ASTN1: variants seen among roughly 807,000 people sequenced by gnomAD.
The protein encoded by ASTN1 is astrotactin 1.
In ASTN1, 41 loss-of-function variants were observed where a neutral mutation model predicts 140.7. The observed-to-expected ratio is 0.29, with a 90% CI of 0.23 to 0.38. The LOEUF (loss-of-function observed/expected upper bound fraction) is 0.38. Ranked by LOEUF, ASTN1 falls within the 10% of genes least tolerant of loss-of-function variation. The pLI is 1.00. For missense variants in ASTN1, 1,479 were observed against 1,678.8 expected (o/e 0.88, Z 2.08); for synonymous variants, 640 against 652.2 (o/e 0.98, Z 0.29).
At chr1:176,910,589 C>G (rs1353293168) in intron 16 of ASTN1, among the ~76,000 whole-genome samples, 3 of 152,188 alleles carry the variant, frequency 2.0e-5, no homozygotes, top group Non-Finnish European at 4.4e-5. Flanking sequence ...ATGACAGGGA[C>G]ACATTCTGAT....
intron 16 of ASTN1, among the ~76,000 whole-genome samples, chr1:176,913,897 A>G (rs1670365692): frequency 6.6e-6 from 1 of 152,352 alleles, no homozygotes; most frequent in African/African-American, 2.4e-5. Context: ...GAAAAGTTTA[A>G]CCAACATTTG....
chr1:176,862,462 T>A lies in ASTN1; in HGVS notation c.*1822A>T, dbSNP rs1668001381. On this transcript the variant is annotated 3_prime_UTR_variant, in exon 23 of 23. Transcript: ENST00000361833. ...TCCTCCTTCCACTGCACAGAGGACA[T>A]GTCCATGCCACAGATGCTTGGGAAA... The A allele has an allele frequency of 1.0e-6, 1 of 985,282 alleles. No individual in the cohort carries two copies. The highest frequency in any genetic ancestry group is 6.1e-5 in the Admixed American group (1 of 16,264). The allele number at this position is 985,282 out of a possible 1,614,324, so 61.0% of individuals were successfully genotyped here. A position where few individuals can be genotyped will look rare whatever the true frequency, so the allele number is the denominator to read the frequency against.
intron 1 of ASTN1, among the ~76,000 whole-genome samples, chr1:177,152,829 A>G (rs769110008): frequency 6.6e-6 from 1 of 152,214 alleles, no homozygotes; most frequent in Non-Finnish European, 1.5e-5. Context: ...ATGAAAACAC[A>G]TTACAGAATT....
chr1:177,048,442 T>C (rs1677361408), intron 2 of ASTN1, among the ~76,000 whole-genome samples: 2 of 152,296 alleles, frequency 1.3e-5, no homozygotes, highest in South Asian at 4.1e-4. Context: ...CCTTAAGGCA[T>C]AACTGTTATC....
At chr1:177,106,282 A>C (rs1191471979) in intron 1 of ASTN1, among the ~76,000 whole-genome samples, 5 of 152,170 alleles carry the variant, frequency 3.3e-5, no homozygotes, top group Non-Finnish European at 7.3e-5. Flanking sequence ...GTTGATGATG[A>C]CACAAATGTA....
chr1:177,001,194 G>C (rs927812181), intron 8 of ASTN1, among the ~76,000 whole-genome samples: 13 of 152,206 alleles, frequency 8.5e-5, no homozygotes, highest in Non-Finnish European at 1.3e-4. Context: ...CATCCACTAT[G>C]TTCCAGACAG....
At chr1:177,109,451 G>A (rs965092829) in intron 1 of ASTN1, among the ~76,000 whole-genome samples, 3 of 152,064 alleles carry the variant, frequency 2.0e-5, no homozygotes, top group African/African-American at 7.2e-5. Flanking sequence ...GAGAGAGAGA[G>A]AGAGGGAGAG....
intron 17 of ASTN1, among the ~76,000 whole-genome samples, chr1:176,889,486 G>A (rs1296809339): frequency 2.0e-5 from 3 of 151,954 alleles, no homozygotes; most frequent in South Asian, 4.1e-4. Context: ...AAAGAAAAAA[G>A]AAAAGAAAAA....
In ASTN1 at chr1:176,988,346, G is replaced by C. The variant is rs572847051; in HGVS notation, c.1524-23109C>G. Among the ~76,000 whole-genome samples the C allele has an allele frequency of 6.1e-5, 9 of 146,932 alleles. 1 individual carries two copies. The highest frequency in any genetic ancestry group is 2.0e-4 in the African/African-American group (8 of 40,124). On this transcript the variant is annotated intron_variant, in intron 8 of 22. Coordinates refer to ENST00000361833, the MANE Select transcript of ASTN1 (RefSeq NM_004319.3). ...AAAAAAAAAAAAACCTTTCCTTTTA[G>C]ATCCCCAAATGTTTGAACTTTGTCC...
chr1:176,999,859 G>A (rs1171679666), intron 8 of ASTN1, among the ~76,000 whole-genome samples: 1 of 152,100 alleles, frequency 6.6e-6, no homozygotes, highest in Non-Finnish European at 1.5e-5. Flanking sequence ...CCACTGTAAA[G>A]AGGTGCCATC....
At chr1:177,026,598 A>G (rs1035659850) in intron 5 of ASTN1, among the ~76,000 whole-genome samples, 3 of 152,112 alleles carry the variant, frequency 2.0e-5, no homozygotes, top group Admixed American at 2.0e-4. Flanking sequence ...TGTTCTTCAT[A>G]GTGGTTGTAC....
Position 177,149,625 on chromosome 1 carries a change from C to CTGTATATATATAGTAAATATATATACAG in ASTN1, c.283+14768_283+14769insCTGTATATATATTTACTATATATATACA, listed in dbSNP as rs1682932793. 9.3e-5 allele frequency among the ~76,000 whole-genome samples: 6 copies of CTGTATATATATAGTAAATATATATACAG among 64,790 alleles called. 1 individual carries two copies. Among genetic ancestry groups the CTGTATATATATAGTAAATATATATACAG allele is most frequent in the South Asian group, 4.2e-4 (1 of 2,396 alleles). The allele number at this position is 64,790 out of a possible 152,430, so 42.5% of individuals were successfully genotyped here. ...TATATATATAGTAAATATATATACACTGTATATATATAGTAAATATATATA... is the reference window on the plus strand; with the variant it reads ...TATATATATAGTAAATATATATACACTGTATATATATAGTAAATATATATACAGTGTATATATATAGTAAATATATATA... On this transcript the variant is annotated intron_variant, in intron 1 of 22. Transcript: ENST00000361833.
At chr1:176,991,413 CAAAAAAAAAAAAAAAAAAAAACCAAAAAA>C (rs371208644) in intron 8 of ASTN1, among the ~76,000 whole-genome samples, 1 of 109,534 alleles carries the variant, frequency 9.1e-6, no homozygotes, top group South Asian at 3.5e-4. Flanking sequence ...AACTCTGTCT[CAAAAAAAAAAAAAAAAAAAAACCAAAAAA>C]AAAAAAAAAA....
At chr1:176,961,065 C>T (rs1033648645) in intron 9 of ASTN1, among the ~76,000 whole-genome samples, 2 of 152,158 alleles carry the variant, frequency 1.3e-5, no homozygotes. Context: ...TTTGTATCCC[C>T]ACTGCCTCAC....
chr1:176,922,324 TC>T (rs112863430), intron 16 of ASTN1, among the ~76,000 whole-genome samples: 8,289 of 152,138 alleles, frequency 0.054, 712 homozygotes, highest in African/African-American at 0.19. Flanking sequence ...AGACTTTGAA[TC>T]GTAGGTCACA....
intron 17 of ASTN1, among the ~76,000 whole-genome samples, chr1:176,892,291 G>A (rs540606762): frequency 2.6e-4 from 39 of 152,264 alleles, no homozygotes; most frequent in African/African-American, 9.4e-4. Context: ...GTCTGTTAGG[G>A]AGACCAGTGA....
intron 16 of ASTN1, among the ~76,000 whole-genome samples, chr1:176,904,633 G>A (rs1159117315): frequency 6.6e-6 from 1 of 152,210 alleles, no homozygotes; most frequent in Non-Finnish European, 1.5e-5. Context: ...TGGAGATTAA[G>A]GCTTCCTCCG....
intron 5 of ASTN1, among the ~76,000 whole-genome samples, chr1:177,027,144 G>T (rs575772300): frequency 1.3e-5 from 2 of 152,106 alleles, no homozygotes; most frequent in South Asian, 4.1e-4. Context: ...AGGCCATTTT[G>T]TCACCTTGTC....
At chr1:176,944,043 T>C (rs1278490756) in intron 13 of ASTN1, 25 bp from the exon 14 acceptor site, 1 of 1,612,022 alleles carries the variant, frequency 6.2e-7, no homozygotes, top group Admixed American at 1.7e-5. Context: ...GACCTTCATT[T>C]CTGAGTGTTC....
Sources: allele counts gnomAD v4.1 joint callset (sites outside exome capture counted in the v4.1 genomes callset), GRCh38; gene constraint gnomAD v4.1.1; transcripts MANE v1.5; gene names NCBI Gene and HGNC (gene_info 2026-07-23, HGNC 2026-07-21).